Variants in TENM2 observed in about 807,000 individuals in gnomAD.
The protein encoded by TENM2 is teneurin transmembrane protein 2.
In TENM2, 52 loss-of-function variants were observed where a neutral mutation model predicts 245.2. The ratio of observed to expected loss-of-function variants is 0.21; its 90% CI spans 0.17 to 0.27. The LOEUF (loss-of-function observed/expected upper bound fraction) is 0.27. Ranked by LOEUF, TENM2 falls within the 10% of genes least tolerant of loss-of-function variation. The pLI, the probability that TENM2 is intolerant of heterozygous loss-of-function variation, is 1.00. For missense variants in TENM2, 3,046 were observed against 3,666.8 expected, an observed-to-expected ratio of 0.83 and a Z score of 4.37; for synonymous variants, 1,363 against 1,438.9, an observed-to-expected ratio of 0.95 and a Z score of 1.19.
the TENM2 span, among the ~76,000 whole-genome samples, chr5:166,985,622 A>G: frequency 6.6e-6 from 1 of 152,276 alleles, no homozygotes; most frequent in Admixed American, 6.5e-5. Context: ...TTACTAAAGG[A>G]AAAAAATCAA....
intron 2 of TENM2, among the ~76,000 whole-genome samples, chr5:167,713,736 A>G (rs1759065798): frequency 6.6e-6 from 1 of 152,232 alleles, no homozygotes. Flanking sequence ...ATATTCATGT[A>G]CAACACACAC....
intron 2 of TENM2, among the ~76,000 whole-genome samples, chr5:167,476,874 C>T (rs1767420383): frequency 6.6e-6 from 1 of 152,178 alleles, no homozygotes; most frequent in African/African-American, 2.4e-5. Flanking sequence ...GCTGGGATTA[C>T]AGGAGTGAGC....
At chr5:167,577,149 C>T (rs910649661) in intron 2 of TENM2, among the ~76,000 whole-genome samples, 3 of 152,122 alleles carry the variant, frequency 2.0e-5, no homozygotes, top group Non-Finnish European at 4.4e-5. Context: ...GGAACTGATG[C>T]AATTTCAGGA....
At chr5:167,237,262 C>A in the TENM2 span, among the ~76,000 whole-genome samples, 40 of 152,296 alleles carry the variant, frequency 2.6e-4, no homozygotes, top group African/African-American at 8.9e-4. Flanking sequence ...TGATACAATT[C>A]TTTAATGACT....
At chr5:167,389,625 T>C (rs566539092) in intron 2 of TENM2, among the ~76,000 whole-genome samples, 1 of 152,312 alleles carries the variant, frequency 6.6e-6, no homozygotes, top group African/African-American at 2.4e-5. Context: ...AAAATCCTTA[T>C]AGCTACATTC....
the TENM2 span, among the ~76,000 whole-genome samples, chr5:167,265,942 C>T: frequency 6.6e-6 from 1 of 152,194 alleles, no homozygotes; most frequent in South Asian, 2.1e-4. Flanking sequence ...TGGTCTCGCT[C>T]ATGAAACTGG....
chr5:167,270,731 G>A, the TENM2 span, among the ~76,000 whole-genome samples: 2 of 152,264 alleles, frequency 1.3e-5, no homozygotes, highest in Admixed American at 6.5e-5. Context: ...AAGGGCAGGG[G>A]AGAATGCTCT....
chr5:167,020,646 T>C, the TENM2 span, among the ~76,000 whole-genome samples: 2 of 152,176 alleles, frequency 1.3e-5, no homozygotes, highest in African/African-American at 2.4e-5. Flanking sequence ...TTTGGAGGTA[T>C]AGGTTTTTAT....
chr5:167,252,390 T>C, the TENM2 span, among the ~76,000 whole-genome samples: 1 of 152,174 alleles, frequency 6.6e-6, no homozygotes, highest in Non-Finnish European at 1.5e-5. Flanking sequence ...AAGATTTATT[T>C]ATCAGTCATT....
At chr5:167,117,275 G>A in the TENM2 span, among the ~76,000 whole-genome samples, 1 of 152,200 alleles carries the variant, frequency 6.6e-6, no homozygotes, top group South Asian at 2.1e-4. Flanking sequence ...AGGCCCAGGC[G>A]GGTGGATCAT....
At chr5:168,178,882 C>T (rs905579162) in intron 13 of TENM2, among the ~76,000 whole-genome samples, 1 of 152,078 alleles carries the variant, frequency 6.6e-6, no homozygotes, top group African/African-American at 2.4e-5. Flanking sequence ...TTCCAGAAGT[C>T]AAGAGGCTTC....
At chr5:167,626,493 G>A (rs1778509720) in intron 2 of TENM2, among the ~76,000 whole-genome samples, 1 of 152,164 alleles carries the variant, frequency 6.6e-6, no homozygotes, top group Admixed American at 6.5e-5. Flanking sequence ...AACATGACTA[G>A]GTCAGTAGCT....
chr5:167,467,206 G>C (rs1467956557), intron 2 of TENM2, among the ~76,000 whole-genome samples: 1 of 152,128 alleles, frequency 6.6e-6, no homozygotes, highest in Non-Finnish European at 1.5e-5. Flanking sequence ...TCTCGCGATA[G>C]TGAGTGAGTT....
At chr5:167,527,302 C>T (rs1771187470) in intron 2 of TENM2, among the ~76,000 whole-genome samples, 1 of 151,986 alleles carries the variant, frequency 6.6e-6, no homozygotes, top group African/African-American at 2.4e-5. Flanking sequence ...AAAGAACAGT[C>T]CCCCACCCAC....
intron 2 of TENM2, among the ~76,000 whole-genome samples, chr5:167,403,297 G>A (rs1251182080): frequency 7.1e-6 from 1 of 141,250 alleles, no homozygotes; most frequent in Non-Finnish European, 1.5e-5. Context: ...TGAAATGTCT[G>A]CCACCCTTGA....
chr5:167,632,798 TC>T (rs533621770), intron 2 of TENM2, among the ~76,000 whole-genome samples: 79 of 152,196 alleles, frequency 5.2e-4, no homozygotes, highest in African/African-American at 1.7e-3. Flanking sequence ...AAAAAAATAC[TC>T]CATGAAAGGA....
At chr5:167,214,601 G>A in the TENM2 span, among the ~76,000 whole-genome samples, 2 of 152,096 alleles carry the variant, frequency 1.3e-5, no homozygotes, top group South Asian at 2.1e-4. Context: ...TATCTATCTC[G>A]GTTCTTCTAA....
the TENM2 span, among the ~76,000 whole-genome samples, chr5:167,271,808 C>T: frequency 6.6e-6 from 1 of 152,148 alleles, no homozygotes; most frequent in Admixed American, 6.6e-5. Context: ...TTCTTTCTTG[C>T]TCTGGACATT....
At chr5:167,810,118 T>C (rs1766523041) in intron 2 of TENM2, among the ~76,000 whole-genome samples, 1 of 152,118 alleles carries the variant, frequency 6.6e-6, no homozygotes, top group Non-Finnish European at 1.5e-5. Flanking sequence ...AAGTAGGTCT[T>C]GTCAAACAGC....
Sources: gnomAD v4.1 joint callset for allele counts (sites outside exome capture counted in the v4.1 genomes callset) on GRCh38, gnomAD v4.1.1 for gene constraint, MANE v1.5 for transcripts, NCBI Gene and HGNC (gene_info 2026-07-23, HGNC 2026-07-21) for gene names.